The following PPP2R2B variants were observed in gnomAD, a reference collection of about 807,000 sequenced individuals.
PPP2R2B encodes the protein serine/threonine-protein phosphatase 2A 55 kDa regulatory subunit B beta isoform.
A neutral mutation model predicts 46.0 loss-of-function variants in PPP2R2B; 5 were observed. The observed-to-expected ratio is 0.11, with a 90% CI of 0.06 to 0.23. PPP2R2B has a LOEUF of 0.23. Among genes scored for constraint, PPP2R2B ranks in the 10% least tolerant of loss-of-function variants. The pLI is 1.00. For missense variants in PPP2R2B, 367 were observed against 575.0 expected (o/e 0.64, Z 3.70); for synonymous variants, 215 against 206.7 (o/e 1.04, Z -0.34).
At chr5:146,656,072 T>C (rs189775544) in intron 5 of PPP2R2B, among the ~76,000 whole-genome samples, 3 of 152,328 alleles carry the variant, frequency 2.0e-5, no homozygotes, top group Admixed American at 2.0e-4. Flanking sequence ...CCCTCCTCAA[T>C]AGCAGACATA....
chr5:146,609,384 A>G (rs1772620678), intron 7 of PPP2R2B, among the ~76,000 whole-genome samples: 1 of 152,356 alleles, frequency 6.6e-6, no homozygotes, highest in Middle Eastern at 3.4e-3. Context: ...AAGGCATCCA[A>G]ATTGGAAAAG....
chr5:146,906,422 A>T (rs1282021312), intron 1 of PPP2R2B, among the ~76,000 whole-genome samples: 1 of 152,052 alleles, frequency 6.6e-6, no homozygotes, highest in African/African-American at 2.4e-5. Context: ...TCCTGGGTTC[A>T]AGTGATTCTC....
chr5:146,675,064 G>A (rs1281908158), intron 5 of PPP2R2B, among the ~76,000 whole-genome samples: 1 of 152,144 alleles, frequency 6.6e-6, no homozygotes, highest in Non-Finnish European at 1.5e-5. Context: ...CTGGGTTCAA[G>A]TGATTCTCGC....
chr5:146,760,445 G>A (rs1239561000), intron 2 of PPP2R2B, among the ~76,000 whole-genome samples: 2 of 152,080 alleles, frequency 1.3e-5, no homozygotes, highest in Non-Finnish European at 2.9e-5. Context: ...TGCTATTATG[G>A]GATGAAATGA....
chr5:146,645,626 C>T (rs956515165), intron 6 of PPP2R2B, among the ~76,000 whole-genome samples: 4 of 152,112 alleles, frequency 2.6e-5, no homozygotes, highest in East Asian at 1.9e-4. Flanking sequence ...AGAGTTGAGG[C>T]TACCTGGTCC....
intron 2 of PPP2R2B, among the ~76,000 whole-genome samples, chr5:146,814,862 G>C (rs1202449996): frequency 1.3e-5 from 2 of 152,188 alleles, no homozygotes; most frequent in Non-Finnish European, 2.9e-5. Flanking sequence ...CAAGTTGTCT[G>C]CTTGGCCCTC....
At chr5:146,823,665 T>C (rs1392201157) in intron 2 of PPP2R2B, among the ~76,000 whole-genome samples, 3 of 152,130 alleles carry the variant, frequency 2.0e-5, no homozygotes, top group Non-Finnish European at 4.4e-5. Flanking sequence ...ATCTTGGAAA[T>C]GGATTCAATC....
chr5:146,735,636 A>T (rs1752491443), intron 2 of PPP2R2B, among the ~76,000 whole-genome samples: 1 of 152,166 alleles, frequency 6.6e-6, no homozygotes, highest in South Asian at 2.1e-4. Context: ...GGGAAATATA[A>T]AACCATGGAC....
chr5:147,030,594 T>C (rs1052994715), intron 1 of PPP2R2B, among the ~76,000 whole-genome samples: 2 of 152,200 alleles, frequency 1.3e-5, no homozygotes, highest in African/African-American at 4.8e-5. Flanking sequence ...TTTTAACTTC[T>C]GAAATTTCCC....
intron 5 of PPP2R2B, among the ~76,000 whole-genome samples, chr5:146,666,099 T>C (rs1776966799): frequency 1.3e-5 from 2 of 152,338 alleles, no homozygotes; most frequent in South Asian, 4.1e-4. Context: ...TATCTATCAA[T>C]GGAGAAATGA....
At chr5:147,001,512 C>T (rs1023563134) in intron 1 of PPP2R2B, among the ~76,000 whole-genome samples, 7 of 152,216 alleles carry the variant, frequency 4.6e-5, no homozygotes, top group East Asian at 1.9e-4. Flanking sequence ...CACATCTGAA[C>T]GTCAGAGGAA....
intron 1 of PPP2R2B, among the ~76,000 whole-genome samples, chr5:146,939,261 A>G (rs535645454): frequency 1.3e-5 from 2 of 152,288 alleles, no homozygotes; most frequent in Admixed American, 6.5e-5. Flanking sequence ...GTTGATACCT[A>G]AAAGGAGAAA....
intron 7 of PPP2R2B, among the ~76,000 whole-genome samples, chr5:146,621,677 G>A (rs1773709794): frequency 6.6e-6 from 1 of 152,108 alleles, no homozygotes; most frequent in Non-Finnish European, 1.5e-5. Flanking sequence ...TGAATTTATT[G>A]AGCACCTACT....
At position 146,983,176 on chromosome 5, in the gene PPP2R2B, A is replaced by ATTTTTTTTTTTT. The variant is rs745692719; in HGVS notation, c.79+72477_79+72488dup. Among the ~76,000 whole-genome samples, 34 of 80,874 alleles carry ATTTTTTTTTTTT rather than the reference A, an allele frequency of 4.2e-4. 5 individuals are homozygous for ATTTTTTTTTTTT. The highest frequency in any genetic ancestry group is 6.2e-4 in the Non-Finnish European group (28 of 45,402). The allele number at this position is 80,874 out of a possible 152,430, so 53.1% of individuals were successfully genotyped here. On this transcript the variant is annotated intron_variant, in intron 1 of 8. Coordinates refer to the PPP2R2B transcript ENST00000336640. ...GTTTATCTATCGTGTTTTCCAGAGC[A>ATTTTTTTTTTTT]TTTTTTTTTTTTTTTTTTTTTTGAG...
Position 146,973,369 on chromosome 5 carries a change from T to G in PPP2R2B, c.79+82296A>C, listed in dbSNP as rs547244604. Reference sequence around the variant, plus strand: ...CTCATATTTTACATTATTGTTCATATAGATTGACCTCAATATCTCCAAGCA... The same window carrying G: ...CTCATATTTTACATTATTGTTCATAGAGATTGACCTCAATATCTCCAAGCA... On this transcript the variant is annotated intron_variant, in intron 1 of 8. Coordinates refer to the PPP2R2B transcript ENST00000336640. Among the ~76,000 whole-genome samples the G allele has an allele frequency of 1.9e-3, 283 of 152,358 alleles. 4 individuals carry two copies. The highest frequency in any genetic ancestry group is 6.2e-3 in the African/African-American group (259 of 41,590).
chr5:146,835,513 C>T (rs760236224), intron 2 of PPP2R2B, among the ~76,000 whole-genome samples: 7 of 152,096 alleles, frequency 4.6e-5, no homozygotes, highest in Admixed American at 6.5e-5. Context: ...GAACTTGGGG[C>T]GGAAAGATCA....
chr5:146,782,371 A>G (rs910179402), intron 2 of PPP2R2B, among the ~76,000 whole-genome samples: 2 of 152,212 alleles, frequency 1.3e-5, no homozygotes, highest in Non-Finnish European at 2.9e-5. Context: ...CCAACTTTAC[A>G]TTTAGAATAT....
At chr5:147,029,453 T>G (rs1236599123) in intron 1 of PPP2R2B, among the ~76,000 whole-genome samples, 1 of 152,176 alleles carries the variant, frequency 6.6e-6, no homozygotes, top group African/African-American at 2.4e-5. Flanking sequence ...TCCATATAAA[T>G]GTGTTTCTGG....
intron 1 of PPP2R2B, chr5:147,055,565 C>T: frequency 9.7e-7 from 1 of 1,030,414 alleles, no homozygotes; most frequent in Non-Finnish European, 1.5e-6. Flanking sequence ...ATGACAGTCA[C>T]CTAGTAGCTA....
Sources: gnomAD v4.1 joint callset for allele counts (sites outside exome capture counted in the v4.1 genomes callset) on GRCh38, gnomAD v4.1.1 for gene constraint, MANE v1.5 for transcripts, NCBI Gene and HGNC (gene_info 2026-07-23, HGNC 2026-07-21) for gene names.